The following NAALADL2 variants were observed in gnomAD, a reference collection of about 807,000 sequenced individuals.
NAALADL2 encodes the protein N-acetylated alpha-linked acidic dipeptidase like 2.
In NAALADL2, 76 loss-of-function variants were observed where a neutral mutation model predicts 87.2. That is an observed-to-expected ratio of 0.87 (90% confidence interval 0.72 to 1.05). NAALADL2 has a LOEUF of 1.05. Among genes scored for constraint, NAALADL2 ranks in the 50% least tolerant of loss-of-function variants. The pLI, the probability that NAALADL2 is intolerant of heterozygous loss-of-function variation, is 0.00. For missense variants in NAALADL2, 1,089 were observed against 945.8 expected (o/e 1.15, Z -1.99); for synonymous variants, 354 against 331.0 (o/e 1.07, Z -0.75).
intron 3 of NAALADL2, among the ~76,000 whole-genome samples, chr3:174,814,788 C>G (rs1368733541): frequency 6.6e-6 from 1 of 152,136 alleles, no homozygotes; most frequent in African/African-American, 2.4e-5. Flanking sequence ...TTCCATATAG[C>G]AGGCCAACTC....
At chr3:175,231,746 A>G (rs1216485198) in intron 2 of NAALADL2, among the ~76,000 whole-genome samples, 1 of 152,134 alleles carries the variant, frequency 6.6e-6, no homozygotes, top group Non-Finnish European at 1.5e-5. Flanking sequence ...TTTGTCTGTC[A>G]ATGTTACTGA....
chr3:174,533,173 G>A (rs1206657601), intron 1 of NAALADL2, among the ~76,000 whole-genome samples: 1 of 133,620 alleles, frequency 7.5e-6, no homozygotes, highest in Non-Finnish European at 1.6e-5. Context: ...AGCCAATGGG[G>A]AAGGGGTACA....
intron 12 of NAALADL2, among the ~76,000 whole-genome samples, chr3:175,747,094 G>C (rs1346822681): frequency 6.6e-6 from 1 of 152,288 alleles, no homozygotes; most frequent in East Asian, 1.9e-4. Flanking sequence ...AAGGCTGATT[G>C]TCTCCCCATT....
intron 11 of NAALADL2, among the ~76,000 whole-genome samples, chr3:175,736,813 A>G (rs920197399): frequency 5.9e-5 from 9 of 152,232 alleles, no homozygotes; most frequent in Non-Finnish European, 1.2e-4. Flanking sequence ...TCACAAGACA[A>G]GTTAACTTGG....
intron 9 of NAALADL2, among the ~76,000 whole-genome samples, chr3:175,554,777 TA>T (rs1010913488): frequency 1.3e-5 from 2 of 152,132 alleles, no homozygotes; most frequent in African/African-American, 4.8e-5. Flanking sequence ...TAACTTAAGA[TA>T]AAAAATACTG....
At chr3:175,373,192 A>G (rs560619056) in intron 5 of NAALADL2, among the ~76,000 whole-genome samples, 1 of 152,184 alleles carries the variant, frequency 6.6e-6, no homozygotes, top group Admixed American at 6.6e-5. Context: ...TATAAAAAAA[A>G]GCACCCAATT....
At chr3:175,733,542 C>T (rs921541773) in intron 11 of NAALADL2, among the ~76,000 whole-genome samples, 1 of 152,114 alleles carries the variant, frequency 6.6e-6, no homozygotes, top group African/African-American at 2.4e-5. Flanking sequence ...TGGGTGGGGA[C>T]ACAGAGCCAA....
chr3:175,723,319 T>G (rs945664322), intron 11 of NAALADL2, among the ~76,000 whole-genome samples: 2 of 152,202 alleles, frequency 1.3e-5, no homozygotes, highest in East Asian at 3.9e-4. Flanking sequence ...ATGCTAAAAA[T>G]TTAAGAGAAT....
intron 5 of NAALADL2, among the ~76,000 whole-genome samples, chr3:175,419,038 T>C (rs1715193194): frequency 6.6e-6 from 1 of 151,578 alleles, no homozygotes; most frequent in Non-Finnish European, 1.5e-5. Flanking sequence ...TTTGGAGTCA[T>C]AGATACACAG....
intron 2 of NAALADL2, among the ~76,000 whole-genome samples, chr3:174,720,535 A>C (rs1056690233): frequency 1.3e-5 from 2 of 152,232 alleles, no homozygotes; most frequent in Non-Finnish European, 2.9e-5. Context: ...ATAAATTTAT[A>C]TAATGCTGTG....
At chr3:174,778,652 C>T (rs1020056679) in intron 3 of NAALADL2, among the ~76,000 whole-genome samples, 10 of 151,942 alleles carry the variant, frequency 6.6e-5, no homozygotes, top group Non-Finnish European at 1.3e-4. Context: ...CAACAGGACC[C>T]CGTGTGTGAT....
At chr3:175,307,439 A>C (rs182050085) in intron 4 of NAALADL2, among the ~76,000 whole-genome samples, 3 of 152,270 alleles carry the variant, frequency 2.0e-5, no homozygotes, top group East Asian at 1.9e-4. Context: ...TGAGAGTAAT[A>C]AAAATAAAGG....
chr3:175,101,093 A>G (rs1423427627), intron 2 of NAALADL2, among the ~76,000 whole-genome samples: 1 of 152,210 alleles, frequency 6.6e-6, no homozygotes, highest in East Asian at 1.9e-4. Flanking sequence ...AAAAACACAC[A>G]GAGCACACAC....
At chr3:174,686,457 G>T (rs1728048147) in intron 2 of NAALADL2, among the ~76,000 whole-genome samples, 1 of 151,666 alleles carries the variant, frequency 6.6e-6, no homozygotes, top group Non-Finnish European at 1.5e-5. Context: ...TTTGATGACT[G>T]GTGATGTTAA....
chr3:175,692,894 C>A (rs1267735281), intron 11 of NAALADL2, among the ~76,000 whole-genome samples: 2 of 152,044 alleles, frequency 1.3e-5, no homozygotes, highest in Non-Finnish European at 2.9e-5. Flanking sequence ...TCCACAAGAC[C>A]CATAATTACT....
chr3:174,850,078 A>G (rs1725080439), intron 3 of NAALADL2, among the ~76,000 whole-genome samples: 1 of 152,124 alleles, frequency 6.6e-6, no homozygotes, highest in Admixed American at 6.5e-5. Context: ...TTTTTGTAAC[A>G]TAGGCCTGGT....
intron 1 of NAALADL2, among the ~76,000 whole-genome samples, chr3:175,052,293 G>C (rs1430996130): frequency 5.9e-5 from 9 of 152,168 alleles, no homozygotes; most frequent in African/African-American, 2.4e-5. Context: ...CCTTCCAGGT[G>C]GGTGTCATGG....
chr3:175,367,195 C>A (rs2148930341), intron 5 of NAALADL2, among the ~76,000 whole-genome samples: 1 of 151,750 alleles, frequency 6.6e-6, no homozygotes, highest in Admixed American at 6.6e-5. Flanking sequence ...TTTCTGAGGG[C>A]TCTATTCTGT....
At chr3:174,650,803 A>C (rs546704780) in intron 2 of NAALADL2, among the ~76,000 whole-genome samples, 16 of 152,162 alleles carry the variant, frequency 1.1e-4, no homozygotes, top group Non-Finnish European at 1.9e-4. Context: ...AGAGACAAAC[A>C]GAAATGTCTT....
Sources: gnomAD v4.1 joint callset for allele counts (sites outside exome capture counted in the v4.1 genomes callset) on GRCh38, gnomAD v4.1.1 for gene constraint, MANE v1.5 for transcripts, NCBI Gene and HGNC (gene_info 2026-07-23, HGNC 2026-07-21) for gene names.